The following SLC22A15 variants were observed in gnomAD, a reference collection of about 807,000 sequenced individuals.
The protein encoded by SLC22A15 is solute carrier family 22 member 15, also known as flipt 1.
SLC22A15 carries 45 observed loss-of-function variants against 62.7 expected under a neutral mutation model. That is an observed-to-expected ratio of 0.72 (90% CI 0.56 to 0.92). The LOEUF is 0.92. Among genes scored for constraint, SLC22A15 ranks in the 40% least tolerant of loss-of-function variants. SLC22A15 has a pLI of 0.00. For synonymous variants in SLC22A15, 264 were observed against 267.0 expected (o/e 0.99, Z 0.11); for missense variants, 622 against 665.6 (o/e 0.93, Z 0.72).
chr1:115,997,887 C>A (rs552830797), intron 2 of SLC22A15, among the ~76,000 whole-genome samples: 1 of 152,146 alleles, frequency 6.6e-6, no homozygotes, highest in Admixed American at 6.5e-5. Flanking sequence ...AGAGGAAAGA[C>A]TTTGTTTTCT....
intron 1 of SLC22A15, among the ~76,000 whole-genome samples, chr1:115,988,542 G>C (rs1369734445): frequency 1.3e-5 from 2 of 151,838 alleles, no homozygotes; most frequent in Non-Finnish European, 2.9e-5. Flanking sequence ...TATTTTTTGG[G>C]GGGGGACTCT....
intron 8 of SLC22A15, among the ~76,000 whole-genome samples, chr1:116,044,721 A>G (rs1380718401): frequency 6.6e-6 from 1 of 152,206 alleles, no homozygotes; most frequent in Non-Finnish European, 1.5e-5. Flanking sequence ...TTTTCTTTCT[A>G]CATATTAGCA....
At chr1:116,062,962 C>T (rs1658418588) in intron 9 of SLC22A15, 80 bp downstream of exon 9, 1 of 1,538,382 alleles carries the variant, frequency 6.5e-7, no homozygotes, top group Non-Finnish European at 8.9e-7. Flanking sequence ...GTGTGGTACT[C>T]ATTTCATCTG....
chr1:116,053,448 G>A (rs1259648237), intron 8 of SLC22A15, among the ~76,000 whole-genome samples: 2 of 152,178 alleles, frequency 1.3e-5, no homozygotes, highest in Non-Finnish European at 2.9e-5. Flanking sequence ...TGAAAGTGAC[G>A]GGGAGAATGG....
At chr1:116,011,096 A>G (rs1005273919) in intron 2 of SLC22A15, among the ~76,000 whole-genome samples, 9 of 152,164 alleles carry the variant, frequency 5.9e-5, no homozygotes, top group Admixed American at 5.2e-4. Flanking sequence ...TCCCTGAAAA[A>G]GTCTGCCTTT....
intron 8 of SLC22A15, among the ~76,000 whole-genome samples, chr1:116,042,365 A>G (rs1657811307): frequency 1.3e-5 from 2 of 152,044 alleles, no homozygotes; most frequent in African/African-American, 4.8e-5. Flanking sequence ...ATATATGAAA[A>G]AAATACAGTA....
At chr1:115,978,370 C>A (rs1225175168) in intron 1 of SLC22A15, among the ~76,000 whole-genome samples, 2 of 152,118 alleles carry the variant, frequency 1.3e-5, no homozygotes, top group Non-Finnish European at 2.9e-5. Context: ...ATGGTTGACC[C>A]AGTTAGTTAG....
chr1:116,005,281 T>C (rs956839108), intron 2 of SLC22A15, among the ~76,000 whole-genome samples: 3 of 152,104 alleles, frequency 2.0e-5, no homozygotes, highest in African/African-American at 2.4e-5. Context: ...ATTTCTGATA[T>C]GCCTATCAGA....
At chr1:116,037,445 A>T in intron 8 of SLC22A15, 57 bp downstream of exon 8, 2 of 1,256,350 alleles carry the variant, frequency 1.6e-6, no homozygotes, top group South Asian at 2.4e-5. Context: ...ACAATGAATC[A>T]TAATATAGTG....
chr1:116,055,598 A>G (rs927836089), intron 8 of SLC22A15, among the ~76,000 whole-genome samples: 1 of 150,294 alleles, frequency 6.7e-6, no homozygotes, highest in African/African-American at 2.5e-5. Flanking sequence ...CAGAGACACA[A>G]CCAAAAAAGA....
At chr1:116,007,644 G>A (rs754960049) in intron 2 of SLC22A15, among the ~76,000 whole-genome samples, 7 of 152,170 alleles carry the variant, frequency 4.6e-5, no homozygotes, top group Non-Finnish European at 1.0e-4. Flanking sequence ...TCTGGGATGG[G>A]AGTCTCTCTG....
Position 116,069,084 on chromosome 1 carries a change from T to C in SLC22A15, c.*1976T>C, listed in dbSNP as rs1045757. 0.63 allele frequency: 95,664 copies of C among 152,024 alleles called. 35,146 individuals carry two copies. The highest frequency in any genetic ancestry group is 0.81 in the Non-Finnish European group (55,021 of 67,972). The allele number at this position is 152,024 out of a possible 1,614,324, so 9.4% of individuals were successfully genotyped here. A position where few individuals can be genotyped will look rare whatever the true frequency, so the allele number is the denominator to read the frequency against. ...TCTATTGGCACTGGGTTCGATTGCC[T>C]CTGGCTAATAGAGTTCAATTAGTTC... is the stretch of plus-strand genomic sequence containing the variant. On this transcript the variant is annotated 3_prime_UTR_variant, in exon 12 of 12. Transcript: ENST00000369503.
intron 2 of SLC22A15, among the ~76,000 whole-genome samples, chr1:116,007,893 G>A (rs1656060975): frequency 6.6e-6 from 1 of 152,212 alleles, no homozygotes; most frequent in Non-Finnish European, 1.5e-5. Context: ...TGGCATTTCA[G>A]TATTTAGAAG....
Position 116,015,854 on chromosome 1 carries a change from C to T in SLC22A15, c.301-3728C>T, listed in dbSNP as rs150818286. ...GGCCACTGTAAAAGAAGGGATCTCCCTGTGACAGATACAGTCCTGTCTTTT... is the reference window on the plus strand; with the variant it reads ...GGCCACTGTAAAAGAAGGGATCTCCTTGTGACAGATACAGTCCTGTCTTTT... On this transcript the variant is annotated intron_variant, in intron 2 of 11. Coordinates refer to ENST00000369503, the MANE Select transcript of SLC22A15 (RefSeq NM_018420.3). Among the ~76,000 whole-genome samples the T allele has an allele frequency of 5.6e-3, 849 of 152,244 alleles. 4 individuals are homozygous for T. The highest frequency in any genetic ancestry group is 8.6e-3 in the Non-Finnish European group (584 of 68,016).
intron 1 of SLC22A15, among the ~76,000 whole-genome samples, chr1:115,988,021 C>A (rs1278472376): frequency 1.3e-5 from 2 of 152,146 alleles, no homozygotes; most frequent in Non-Finnish European, 2.9e-5. Context: ...ACTTTAAAAA[C>A]CTTCACTTCT....
intron 10 of SLC22A15, 26 bp downstream of exon 10, chr1:116,064,534 T>G (rs1220123204): frequency 1.3e-6 from 2 of 1,487,382 alleles, no homozygotes; most frequent in Non-Finnish European, 1.9e-6. Context: ...CTAGTTTTGT[T>G]TTTCTTGATT....
intron 2 of SLC22A15, among the ~76,000 whole-genome samples, chr1:116,008,370 T>G (rs2101190317): frequency 6.6e-6 from 1 of 152,256 alleles, no homozygotes; most frequent in East Asian, 1.9e-4. Flanking sequence ...TAAATAACAT[T>G]GATCAGTAAT....
chr1:115,979,991 G>GTA (rs1033148894), intron 1 of SLC22A15, among the ~76,000 whole-genome samples: 20 of 149,654 alleles, frequency 1.3e-4, no homozygotes, highest in Middle Eastern at 3.6e-3. Context: ...TATATATTAA[G>GTA]TATATATATA....
rs1213311377 is a variant in SLC22A15, at chr1:116,068,788, C to G, written c.*1680C>G. 2.0e-5 allele frequency: 3 copies of G among 152,100 alleles called. No homozygotes were observed. The highest frequency in any genetic ancestry group is 7.2e-5 in the African/African-American group (3 of 41,418). 9.4% of individuals were successfully genotyped at this position (152,100 alleles called of 1,614,324 possible). A position where few individuals can be genotyped will look rare whatever the true frequency, so the allele number is the denominator to read the frequency against. On this transcript the variant is annotated 3_prime_UTR_variant, in exon 12 of 12. Transcript: ENST00000369503. ...CTTAACTTTCTCTGGAAAATAGACCCCTTCTCAACATCAGAATAGGAAGAG... is the reference window on the plus strand; with the variant it reads ...CTTAACTTTCTCTGGAAAATAGACCGCTTCTCAACATCAGAATAGGAAGAG...
Sources: allele counts gnomAD v4.1 joint callset (sites outside exome capture counted in the v4.1 genomes callset), GRCh38; gene constraint gnomAD v4.1.1; transcripts MANE v1.5; gene names NCBI Gene and HGNC (gene_info 2026-07-23, HGNC 2026-07-21).